RIMS2: variants seen among roughly 807,000 people sequenced by gnomAD.
RIMS2 encodes the protein regulating synaptic membrane exocytosis 2, also known as regulating synaptic membrane exocytosis protein 2.
RIMS2 carries 59 observed loss-of-function variants against 174.4 expected under a neutral mutation model. The observed-to-expected ratio is 0.34, with a 90% CI of 0.27 to 0.42. The LOEUF is 0.42. RIMS2 is among the 10% of genes least tolerant of loss of function. RIMS2 has a pLI of 1.00. For missense variants in RIMS2, 1,620 were observed against 1,666.3 expected, an observed-to-expected ratio of 0.97 and a Z score of 0.48; for synonymous variants, 606 against 572.5, an observed-to-expected ratio of 1.06 and a Z score of -0.84.
At chr8:103,599,351 G>C (rs562559121) in intron 1 of RIMS2, among the ~76,000 whole-genome samples, 1 of 149,620 alleles carries the variant, frequency 6.7e-6, no homozygotes, top group Non-Finnish European at 1.5e-5. Context: ...ATCAGCATAC[G>C]AATCTAGTAT....
chr8:104,058,686 G>T (rs1380167560), intron 19 of RIMS2, among the ~76,000 whole-genome samples: 1 of 152,074 alleles, frequency 6.6e-6, no homozygotes, highest in South Asian at 2.1e-4. Flanking sequence ...TTCTTCTAAG[G>T]TTTTTATGGT....
At chr8:103,581,344 C>T (rs762853614) in intron 1 of RIMS2, among the ~76,000 whole-genome samples, 7 of 152,164 alleles carry the variant, frequency 4.6e-5, no homozygotes, top group Non-Finnish European at 8.8e-5. Context: ...ATGAATAATA[C>T]ATCACATTAA....
In RIMS2 at chr8:103,793,528, G is replaced by T. The variant is rs538865438; in HGVS notation, c.698+26991G>T. On this transcript the variant is annotated intron_variant, in intron 3 of 23. Transcript: ENST00000504942. ...CCCTTTGAAAACTGGCACAAGACAG[G>T]GATGCCCTCTCTCACCACTCCTATT... Among the ~76,000 whole-genome samples the T allele has an allele frequency of 7.0e-4, 106 of 152,232 alleles. 1 individual carries two copies. Among genetic ancestry groups the T allele is most frequent in the Admixed American group, 6.3e-3 (97 of 15,288 alleles).
At chr8:103,914,037 A>G (rs2154527982) in intron 6 of RIMS2, among the ~76,000 whole-genome samples, 1 of 152,292 alleles carries the variant, frequency 6.6e-6, no homozygotes. Flanking sequence ...ACAATAGATG[A>G]GAAATAGGCC....
chr8:103,858,838 A>G (rs1039462302), intron 3 of RIMS2, among the ~76,000 whole-genome samples: 2 of 151,872 alleles, frequency 1.3e-5, no homozygotes, highest in African/African-American at 4.8e-5. Context: ...GGGAATCTTC[A>G]TTTTCTAGTC....
At chr8:103,640,006 T>C (rs752958238) in intron 1 of RIMS2, among the ~76,000 whole-genome samples, 2 of 151,886 alleles carry the variant, frequency 1.3e-5, no homozygotes, top group Non-Finnish European at 2.9e-5. Context: ...AATTTTCTTA[T>C]ATTTATTTCG....
intron 19 of RIMS2, among the ~76,000 whole-genome samples, chr8:104,087,802 G>A (rs2097562835): frequency 6.6e-6 from 1 of 152,136 alleles, no homozygotes; most frequent in African/African-American, 2.4e-5. Context: ...AAAATTCAGT[G>A]CCTCAGTCTC....
At chr8:103,722,496 C>G (rs1219021822) in intron 2 of RIMS2, among the ~76,000 whole-genome samples, 2 of 152,038 alleles carry the variant, frequency 1.3e-5, no homozygotes, top group Non-Finnish European at 2.9e-5. Flanking sequence ...CAGCACGCAA[C>G]CTAGATCCCT....
chr8:103,960,970 C>T lies in RIMS2; in HGVS notation c.2702-95C>T, dbSNP rs1414327434. Reference sequence around the variant, plus strand: ...ACATATTTTTTGTTATTAACTGATTCACTCAGAATATTTTCGTTTGTTTTT... The same window carrying T: ...ACATATTTTTTGTTATTAACTGATTTACTCAGAATATTTTCGTTTGTTTTT... On this transcript the variant is annotated intron_variant, in intron 14 of 23. Transcript: ENST00000504942. 4.0e-6 allele frequency: 3 copies of T among 742,520 alleles called. No homozygotes were observed. In the East Asian group the frequency reaches 7.5e-5, roughly 18 times the overall value. The allele number at this position is 742,520 out of a possible 1,614,324, so 46.0% of individuals were successfully genotyped here.
At chr8:103,653,997 TA>T (rs2096491877) in intron 1 of RIMS2, among the ~76,000 whole-genome samples, 1 of 152,042 alleles carries the variant, frequency 6.6e-6, no homozygotes, top group African/African-American at 2.4e-5. Flanking sequence ...ACATAAGGAG[TA>T]AAATTAAATT....
At chr8:103,517,622 C>G (rs1563609487) in intron 1 of RIMS2, among the ~76,000 whole-genome samples, 1 of 152,094 alleles carries the variant, frequency 6.6e-6, no homozygotes, top group Non-Finnish European at 1.5e-5. Context: ...ACCTAGTAAC[C>G]TTGCTGGTAT....
At chr8:103,938,795 A>G (rs543083883) in intron 13 of RIMS2, among the ~76,000 whole-genome samples, 4 of 152,320 alleles carry the variant, frequency 2.6e-5, no homozygotes, top group African/African-American at 9.6e-5. Context: ...AAATACAGCC[A>G]TTACAAATAG....
chr8:103,958,122 A>G (rs1439658437), intron 14 of RIMS2, among the ~76,000 whole-genome samples: 1 of 152,204 alleles, frequency 6.6e-6, no homozygotes, highest in African/African-American at 2.4e-5. Flanking sequence ...TTGTAGCACT[A>G]TTCGCAATAG....
At chr8:103,501,194 G>A in intron 1 of RIMS2, 132 bp downstream of exon 1, 1 of 516,812 alleles carries the variant, frequency 1.9e-6, no homozygotes, top group Non-Finnish European at 3.1e-6. Context: ...CGAGGGCTGC[G>A]GCCAGCGCCG....
chr8:103,874,755 G>T (rs1218766805), intron 3 of RIMS2, among the ~76,000 whole-genome samples: 3 of 151,962 alleles, frequency 2.0e-5, no homozygotes, highest in Non-Finnish European at 4.4e-5. Context: ...CATTCTCATG[G>T]TCTCAGACAT....
chr8:103,601,217 T>C (rs2094720731), intron 1 of RIMS2, among the ~76,000 whole-genome samples: 1 of 152,224 alleles, frequency 6.6e-6, no homozygotes. Context: ...TAACATGATG[T>C]GATCCCATTT....
intron 3 of RIMS2, among the ~76,000 whole-genome samples, chr8:103,815,262 G>C (rs1593021762): frequency 6.6e-6 from 1 of 152,062 alleles, no homozygotes; most frequent in Non-Finnish European, 1.5e-5. Flanking sequence ...ATGAGACTGT[G>C]CGTTTTTTGA....
intron 1 of RIMS2, among the ~76,000 whole-genome samples, chr8:103,647,055 A>G (rs552345560): frequency 8.5e-5 from 13 of 152,238 alleles, no homozygotes; most frequent in Non-Finnish European, 1.8e-4. Context: ...TTTGAATTTT[A>G]TTGAAGGCCT....
intron 19 of RIMS2, among the ~76,000 whole-genome samples, chr8:104,124,221 T>A (rs1163492455): frequency 1.3e-5 from 2 of 152,150 alleles, no homozygotes; most frequent in Non-Finnish European, 2.9e-5. Flanking sequence ...AAGAACTAAC[T>A]GAAAATAATG....
Sources: gnomAD v4.1 joint callset for allele counts (sites outside exome capture counted in the v4.1 genomes callset) on GRCh38, gnomAD v4.1.1 for gene constraint, MANE v1.5 for transcripts, NCBI Gene and HGNC (gene_info 2026-07-23, HGNC 2026-07-21) for gene names.